Variants in PPFIA2 observed in about 807,000 individuals in gnomAD.
PPFIA2 encodes PPFI scaffold protein A2.
A neutral mutation model predicts 175.5 loss-of-function variants in PPFIA2; 46 were observed. That is an observed-to-expected ratio of 0.26 (90% confidence interval 0.21 to 0.34). The LOEUF (loss-of-function observed/expected upper bound fraction) is 0.34. Ranked by LOEUF, PPFIA2 falls within the 10% of genes least tolerant of loss-of-function variation. PPFIA2 has a pLI of 1.00. For synonymous variants in PPFIA2, 568 were observed against 511.4 expected (o/e 1.11, Z -1.49); for missense variants, 1,179 against 1,506.1 (o/e 0.78, Z 3.60).
intron 4 of PPFIA2, among the ~76,000 whole-genome samples, chr12:81,464,095 T>TA (rs776981454): frequency 4.6e-5 from 7 of 152,102 alleles, no homozygotes; most frequent in African/African-American, 7.2e-5. Context: ...CACCTGTCTT[T>TA]AAAAAAGGAC....
At chr12:81,621,705 C>T (rs61934977) in intron 4 of PPFIA2, among the ~76,000 whole-genome samples, 6,954 of 152,060 alleles carry the variant, frequency 0.046, 224 homozygotes, top group Non-Finnish European at 0.071. Context: ...CAATAATTTT[C>T]CTAAAGAAAT....
At chr12:81,296,798 G>A (rs1338256501) in intron 23 of PPFIA2, 1 of 145,540 alleles carries the variant, frequency 6.9e-6, no homozygotes, top group Non-Finnish European at 1.5e-5. Context: ...CTAAACCTCA[G>A]CCATATTTTC....
chr12:81,657,648 C>A (rs952889213), intron 4 of PPFIA2, among the ~76,000 whole-genome samples: 2 of 152,204 alleles, frequency 1.3e-5, no homozygotes, highest in East Asian at 3.9e-4. Context: ...ATTTTATTTT[C>A]TAAATAAATT....
chr12:81,642,711 T>TATTACATAC lies in PPFIA2; in HGVS notation c.303+34079_303+34080insGTATGTAAT, dbSNP rs1555549398. ...TTATATACATACATGTATATGTATG[T>TATTACATAC]ATGTATTATATACATACATGTATAT... On this transcript the variant is annotated intron_variant, in intron 4 of 32. Coordinates refer to ENST00000549396, the MANE Select transcript of PPFIA2 (RefSeq NM_003625.5). Among the ~76,000 whole-genome samples, 2 of 108,274 alleles carry TATTACATAC rather than the reference T, an allele frequency of 1.8e-5. 1 individual carries two copies. Among genetic ancestry groups the TATTACATAC allele is most frequent in the African/African-American group, 6.1e-5 (2 of 32,958 alleles). The allele number at this position is 108,274 out of a possible 152,430, so 71.0% of individuals were successfully genotyped here. A position where few individuals can be genotyped will look rare whatever the true frequency, so the allele number is the denominator to read the frequency against.
At chr12:81,564,216 C>A (rs954135015) in intron 4 of PPFIA2, among the ~76,000 whole-genome samples, 4 of 152,076 alleles carry the variant, frequency 2.6e-5, no homozygotes, top group Non-Finnish European at 5.9e-5. Flanking sequence ...ATTGATCATT[C>A]AAATAGCACT....
intron 4 of PPFIA2, chr12:81,598,420 A>G: frequency 1.0e-6 from 1 of 998,322 alleles, no homozygotes; most frequent in Non-Finnish European, 1.2e-6. Flanking sequence ...GATTATGCTA[A>G]ATATCCTGGT....
intron 15 of PPFIA2, among the ~76,000 whole-genome samples, chr12:81,362,255 T>C (rs1411606689): frequency 6.6e-6 from 1 of 151,278 alleles, no homozygotes; most frequent in Non-Finnish European, 1.5e-5. Context: ...ATAATATTTG[T>C]TTAGTCACAT....
chr12:81,271,880 T>C (rs1286026598), intron 28 of PPFIA2, among the ~76,000 whole-genome samples: 1 of 152,184 alleles, frequency 6.6e-6, no homozygotes, highest in Non-Finnish European at 1.5e-5. Context: ...ATCATTTCCA[T>C]CTGCCTGAAT....
At chr12:81,494,642 C>T (rs1451788326) in intron 4 of PPFIA2, among the ~76,000 whole-genome samples, 2 of 152,026 alleles carry the variant, frequency 1.3e-5, no homozygotes, top group Non-Finnish European at 2.9e-5. Flanking sequence ...GACACATGCA[C>T]ATTTATGTTT....
intron 3 of PPFIA2, among the ~76,000 whole-genome samples, chr12:81,740,745 G>A (rs886320223): frequency 3.3e-5 from 5 of 151,820 alleles, no homozygotes; most frequent in Non-Finnish European, 4.4e-5. Context: ...AAAATCTCAG[G>A]TTAAATAGAA....
At chr12:81,656,793 A>C (rs951912643) in intron 4 of PPFIA2, among the ~76,000 whole-genome samples, 1 of 151,648 alleles carries the variant, frequency 6.6e-6, no homozygotes, top group Admixed American at 6.6e-5. Flanking sequence ...ATATAATTTT[A>C]ACTCCTCTTC....
intron 8 of PPFIA2, 22 bp downstream of exon 8, chr12:81,405,765 G>T: frequency 7.9e-7 from 1 of 1,258,040 alleles, no homozygotes; most frequent in Non-Finnish European, 1.1e-6. Context: ...TTCCATGTAA[G>T]AGCATGTGGG....
intron 3 of PPFIA2, among the ~76,000 whole-genome samples, chr12:81,718,005 C>T (rs1473854603): frequency 6.6e-6 from 1 of 151,618 alleles, no homozygotes; most frequent in Non-Finnish European, 1.5e-5. Context: ...ACTCCTGTCC[C>T]TCACTGGAGA....
intron 4 of PPFIA2, among the ~76,000 whole-genome samples, chr12:81,652,339 TATC>T (rs2067148565): frequency 1.3e-5 from 2 of 151,188 alleles, no homozygotes; most frequent in African/African-American, 2.4e-5. Flanking sequence ...CTTACAAAGT[TATC>T]ATTGGCGATT....
chr12:81,413,144 G>A (rs1254725435), intron 7 of PPFIA2, among the ~76,000 whole-genome samples: 1 of 151,808 alleles, frequency 6.6e-6, no homozygotes, highest in East Asian at 1.9e-4. Context: ...TTGACACAGT[G>A]CCTTGAGACT....
rs1397507051 is a variant in PPFIA2 at position 81,509,813 on chromosome 12, C to T, written c.304-51947G>A. ...CTTTAAAGAAAATGTTCTCCTTTTT[C>T]CCTGAATACAAAGGACTCAGCATCA... is the stretch of plus-strand genomic sequence containing the variant. On this transcript the variant is annotated intron_variant, in intron 4 of 32. Coordinates refer to ENST00000549396, the MANE Select transcript of PPFIA2 (RefSeq NM_003625.5). 2.6e-5 allele frequency among the ~76,000 whole-genome samples: 4 copies of T among 152,062 alleles called. No homozygotes were observed. In the South Asian group the frequency reaches 8.3e-4, roughly 31 times the overall value.
intron 7 of PPFIA2, among the ~76,000 whole-genome samples, chr12:81,408,488 G>A (rs1484820661): frequency 6.6e-6 from 1 of 152,116 alleles, no homozygotes; most frequent in African/African-American, 2.4e-5. Context: ...TTACAGATTA[G>A]CTTACATTTG....
intron 7 of PPFIA2, among the ~76,000 whole-genome samples, chr12:81,432,992 C>T (rs2048360528): frequency 6.6e-6 from 1 of 151,210 alleles, no homozygotes; most frequent in Admixed American, 6.6e-5. Flanking sequence ...CACACAAAAA[C>T]ATACCTTTAA....
intron 7 of PPFIA2, among the ~76,000 whole-genome samples, chr12:81,438,609 T>C (rs561132117): frequency 6.6e-6 from 1 of 152,354 alleles, no homozygotes; most frequent in East Asian, 1.9e-4. Context: ...TATAAATCCC[T>C]TTATAAGACT....
Sources: gnomAD v4.1 joint callset for allele counts (sites outside exome capture counted in the v4.1 genomes callset) on GRCh38, gnomAD v4.1.1 for gene constraint, MANE v1.5 for transcripts, NCBI Gene and HGNC (gene_info 2026-07-23, HGNC 2026-07-21) for gene names.